The following MDN1 variants were observed in gnomAD, a reference collection of about 807,000 sequenced individuals.
MDN1 encodes the protein midasin AAA ATPase 1.
Under a neutral mutation model 669.2 loss-of-function variants are expected in MDN1, and 266 were observed. That is an observed-to-expected ratio of 0.40 (90% CI 0.36 to 0.44). The LOEUF (loss-of-function observed/expected upper bound fraction) is 0.44, where lower values mean the gene tolerates loss of function less well. Ranked by LOEUF, MDN1 falls within the 20% of genes least tolerant of loss-of-function variation. The probability of loss-of-function intolerance (pLI) is 1.00; values close to 1 mark genes in which losing one functional copy is unlikely to be tolerated. For missense variants in MDN1, 5,940 were observed against 6,754.0 expected, an observed-to-expected ratio of 0.88 and a Z score of 4.22; for synonymous variants, 2,385 against 2,457.1, an observed-to-expected ratio of 0.97 and a Z score of 0.87.
intron 32 of MDN1, 32 bp from the exon 33 acceptor site, chr6:89,738,487 T>C (rs1438543812): frequency 6.2e-7 from 1 of 1,611,336 alleles, no homozygotes; most frequent in Admixed American, 1.7e-5. Context: ...AATGTGAATT[T>C]TTAAAACTGT....
intron 52 of MDN1, among the ~76,000 whole-genome samples, chr6:89,706,498 A>G (rs1326380993): frequency 6.6e-6 from 1 of 152,014 alleles, no homozygotes; most frequent in Non-Finnish European, 1.5e-5. Flanking sequence ...CAATGTTTTT[A>G]ATAATTTTGT....
intron 2 of MDN1, among the ~76,000 whole-genome samples, chr6:89,795,297 G>A (rs1406432345): frequency 6.6e-6 from 1 of 152,142 alleles, no homozygotes; most frequent in African/African-American, 2.4e-5. Context: ...GTCTAGTAAG[G>A]AAGACAGCCA....
chr6:89,662,866 C>T lies in MDN1; in HGVS notation c.14338G>A (p.Gly4780Ser). ...EADKLDERLW[G>S]DDDEEEDEEE... is the part of the protein sequence containing the mutation. ...TCATCTTCCTCCTCATCATCATCACCCCAAAGCCTCTCATCTAGTTTGTCA... is the reference window on the plus strand; with the variant it reads ...TCATCTTCCTCCTCATCATCATCACTCCAAAGCCTCTCATCTAGTTTGTCA... The change falls in exon 86 of 102, where the codon GGT (glycine) becomes AGT (serine). Residue 4780 changes from glycine (G) to serine (S), a missense_variant. Coordinates refer to ENST00000369393, the MANE Select transcript of MDN1 (RefSeq NM_014611.3). 1.2e-6 allele frequency: 2 copies of T among 1,613,988 alleles called. No homozygotes were observed. Among genetic ancestry groups the T allele is most frequent in the Non-Finnish European group, 8.5e-7 (1 of 1,179,998 alleles).
rs779714219 is a variant in MDN1, at chr6:89,781,450, G to A, written c.1592C>T (p.Ala531Val). 1.9e-6 allele frequency: 3 copies of A among 1,614,078 alleles called. No homozygotes were observed. The highest frequency in any genetic ancestry group is 2.7e-5 in the African/African-American group (2 of 75,028). Residue 531 changes from alanine to valine, a missense_variant, in exon 10 of 102, where the codon GCC becomes GTC. Ala to Val is a moderately conservative substitution (Grantham distance 64). This residue lies in a region of MDN1 where 1,203 missense variants were observed against 1,268.9 expected (regional missense o/e 0.95). Coordinates refer to ENST00000369393, the MANE Select transcript of MDN1 (RefSeq NM_014611.3). ...GGTTGGTCTTTTGTTTTCTCTTCTG[G>A]CTTCTGAAACTTCTTCAGGTGCCTG... ...CEQAPEEVSE[A>V]RRENKRPTLE...
At chr6:89,703,556 G>A (rs1320369400) in intron 53 of MDN1, among the ~76,000 whole-genome samples, 1 of 151,984 alleles carries the variant, frequency 6.6e-6, no homozygotes, top group Admixed American at 6.6e-5. Flanking sequence ...TTCCTATAGT[G>A]GTTCCATGAA....
chr6:89,649,954 T>C, intron 97 of MDN1, 70 bp downstream of exon 97: 1 of 1,512,888 alleles, frequency 6.6e-7, no homozygotes, highest in South Asian at 1.1e-5. Flanking sequence ...TTTAAAGCAT[T>C]TTGGTGGCCC....
chr6:89,743,406 G>A, intron 30 of MDN1, 126 bp from the exon 31 acceptor site: 1 of 1,387,454 alleles, frequency 7.2e-7, no homozygotes, highest in Non-Finnish European at 9.9e-7. Flanking sequence ...GAGAACAGGA[G>A]ATAGAACTTG....
At position 89,795,986 on chromosome 6, in the gene MDN1, A is replaced by G. The variant is rs141732587; in HGVS notation, c.330-1185T>C. 9.1e-3 allele frequency among the ~76,000 whole-genome samples: 1,378 copies of G among 152,114 alleles called. 33 individuals carry two copies. The highest frequency in any genetic ancestry group is 0.032 in the African/African-American group (1,314 of 41,478). ...AACAAACAATAAAGGTGGGGGGGAC[A>G]TCATATTATATAACCAATGCCATGG... On this transcript the variant is annotated intron_variant, in intron 2 of 101. Transcript: ENST00000369393.
intron 1 of MDN1, among the ~76,000 whole-genome samples, chr6:89,809,849 C>T (rs1768271915): frequency 9.2e-6 from 1 of 109,024 alleles, no homozygotes; most frequent in South Asian, 3.2e-4. Context: ...ATTAGCCAGG[C>T]TTGGTGGTGT....
intron 9 of MDN1, among the ~76,000 whole-genome samples, chr6:89,783,302 C>T (rs1293531800): frequency 6.6e-6 from 1 of 152,076 alleles, no homozygotes; most frequent in Non-Finnish European, 1.5e-5. Context: ...TAAATGGCCG[C>T]TCTGGGAATG....
At chr6:89,798,181 C>CAAAAAAA (rs10706907) in intron 2 of MDN1, among the ~76,000 whole-genome samples, 5 of 71,516 alleles carry the variant, frequency 7.0e-5, no homozygotes, top group African/African-American at 1.1e-4. Context: ...GACTCTGTCT[C>CAAAAAAA]AAAAAAAAAA....
At chr6:89,812,943 T>A (rs754952722) in intron 1 of MDN1, among the ~76,000 whole-genome samples, 6,441 of 143,322 alleles carry the variant, frequency 0.045, 198 homozygotes, top group Non-Finnish European at 0.055. Flanking sequence ...TCTACAAAAA[T>A]TTTTTTTTTT....
At chr6:89,652,338 A>G in intron 94 of MDN1, 57 bp from the exon 95 acceptor site, 1 of 1,317,974 alleles carries the variant, frequency 7.6e-7, no homozygotes. Flanking sequence ...CCAACTTAGT[A>G]TCACTGGGTG....
chr6:89,671,918 TACTTGGGAG>T (rs1159439133), intron 82 of MDN1, among the ~76,000 whole-genome samples: 3 of 152,238 alleles, frequency 2.0e-5, no homozygotes, highest in African/African-American at 7.2e-5. Flanking sequence ...TAACATCAGA[TACTTGGGAG>T]TATGTGAATA....
intron 72 of MDN1, 31 bp downstream of exon 72, chr6:89,683,800 T>C (rs1811813209): frequency 6.5e-7 from 1 of 1,549,210 alleles, no homozygotes; most frequent in Non-Finnish European, 8.9e-7. Context: ...TATTCTATTT[T>C]GGTTGTCTCC....
chr6:89,734,984 G>C (rs1020818573), intron 33 of MDN1, among the ~76,000 whole-genome samples: 18 of 150,688 alleles, frequency 1.2e-4, no homozygotes, highest in Non-Finnish European at 1.6e-4. Context: ...TCCACCTCTC[G>C]GGTTCAAGCG....
At chr6:89,691,795 A>G (rs1182337176) in intron 63 of MDN1, among the ~76,000 whole-genome samples, 2 of 152,226 alleles carry the variant, frequency 1.3e-5, no homozygotes, top group African/African-American at 4.8e-5. Context: ...ATTTAAGGAC[A>G]TGTCTCAGGG....
At chr6:89,815,024 A>T in intron 1 of MDN1, 1 of 582,010 alleles carries the variant, frequency 1.7e-6, no homozygotes, top group Non-Finnish European at 2.9e-6. Flanking sequence ...ACCCAGGTGA[A>T]GGCCAGGAGG....
At chr6:89,760,352 C>G (rs1353740077) in intron 17 of MDN1, among the ~76,000 whole-genome samples, 2 of 151,718 alleles carry the variant, frequency 1.3e-5, no homozygotes, top group Non-Finnish European at 2.9e-5. Context: ...GTCCAAATCC[C>G]TCTCTCACAT....
Sources: allele counts gnomAD v4.1 joint callset (sites outside exome capture counted in the v4.1 genomes callset), GRCh38; gene constraint gnomAD v4.1.1; regional missense constraint gnomAD v4.1.1; transcripts MANE v1.5; gene names NCBI Gene and HGNC (gene_info 2026-07-23, HGNC 2026-07-21).